Variants in PTPN12 observed in about 807,000 individuals in gnomAD.
The protein encoded by PTPN12 is tyrosine-protein phosphatase non-receptor type 12.
A neutral mutation model predicts 97.6 loss-of-function variants in PTPN12; 29 were observed. The ratio of observed to expected loss-of-function variants is 0.30; its 90% CI spans 0.22 to 0.41. The LOEUF (loss-of-function observed/expected upper bound fraction) is 0.41. PTPN12 is among the 10% of genes least tolerant of loss of function. The pLI is 1.00. For missense variants in PTPN12, 819 were observed against 926.0 expected (o/e 0.88, Z 1.50); for synonymous variants, 327 against 300.4 (o/e 1.09, Z -0.91).
intron 13 of PTPN12, among the ~76,000 whole-genome samples, chr7:77,631,641 C>T (rs927271565): frequency 1.3e-5 from 2 of 152,314 alleles, no homozygotes; most frequent in Middle Eastern, 3.4e-3. Flanking sequence ...AATGCACTCT[C>T]TTTCCCAAGA....
At chr7:77,591,958 T>C (rs370012312) in intron 5 of PTPN12, among the ~76,000 whole-genome samples, 3 of 152,200 alleles carry the variant, frequency 2.0e-5, no homozygotes, top group Non-Finnish European at 4.4e-5. Flanking sequence ...TGAACAGTTA[T>C]GCACTTAAGT....
intron 11 of PTPN12, among the ~76,000 whole-genome samples, chr7:77,615,512 C>T (rs1562751772): frequency 6.6e-6 from 1 of 152,316 alleles, no homozygotes; most frequent in East Asian, 1.9e-4. Flanking sequence ...TTTGGGATGC[C>T]AGGGCAGGAG....
chr7:77,618,606 G>T lies in PTPN12; in HGVS notation c.1025+41G>T, dbSNP rs200425674. ...GAACATTTTCTTTAAAAGCATACTTGTTTCTACTCACTGTTAATTAAAATG... is the reference window on the plus strand; with the variant it reads ...GAACATTTTCTTTAAAAGCATACTTTTTTCTACTCACTGTTAATTAAAATG... On this transcript the variant is annotated intron_variant, in intron 12 of 17. Transcript: ENST00000248594. 4.1e-4 allele frequency: 530 copies of T among 1,278,550 alleles called. 6 individuals are homozygous for T. The East Asian group carries it at 9.3e-3, about 22-fold the overall frequency. 79.2% of individuals were successfully genotyped at this position (1,278,550 alleles called of 1,614,324 possible). A position where few individuals can be genotyped will look rare whatever the true frequency, so the allele number is the denominator to read the frequency against.
chr7:77,615,715 T>G (rs1202208154), intron 11 of PTPN12, among the ~76,000 whole-genome samples: 1 of 152,208 alleles, frequency 6.6e-6, no homozygotes, highest in Non-Finnish European at 1.5e-5. Flanking sequence ...TGCCACTGCA[T>G]TAGATTATTT....
intron 1 of PTPN12, among the ~76,000 whole-genome samples, chr7:77,543,344 CTTT>C (rs10545350): frequency 5.5e-4 from 75 of 137,428 alleles, no homozygotes; most frequent in Admixed American, 7.2e-4. Flanking sequence ...CTTCCACTGC[CTTT>C]TTTTTTTTTT....
At chr7:77,607,505 G>A (rs1801455448) in intron 9 of PTPN12, among the ~76,000 whole-genome samples, 1 of 152,210 alleles carries the variant, frequency 6.6e-6, no homozygotes. Context: ...GGCCAAGGTG[G>A]GAGGATCGCT....
intron 11 of PTPN12, among the ~76,000 whole-genome samples, chr7:77,617,388 A>G (rs1788788109): frequency 6.6e-6 from 1 of 152,200 alleles, no homozygotes; most frequent in Admixed American, 6.6e-5. Flanking sequence ...TCAGGAAGTG[A>G]TATGTATAAA....
chr7:77,572,288 G>C (rs954851756), intron 2 of PTPN12, among the ~76,000 whole-genome samples: 21 of 152,146 alleles, frequency 1.4e-4, no homozygotes, highest in African/African-American at 5.1e-4. Flanking sequence ...TTTTAGTAGA[G>C]ACAGGGTTTC....
In PTPN12 at chr7:77,639,769, CT is replaced by C; in HGVS notation, c.*491del. The C allele has an allele frequency of 6.5e-6, 1 of 152,926 alleles. No individual in the cohort carries two copies. Among genetic ancestry groups the C allele is most frequent in the Admixed American group, 6.5e-5 (1 of 15,304 alleles). The allele number at this position is 152,926 out of a possible 1,614,324, so 9.5% of individuals were successfully genotyped here. ...TAGAAAATAGTTTCTGAATTTTAAA[CT>C]TGCTGGATTCATGCAGCCAGCTTTG... On this transcript the variant is annotated 3_prime_UTR_variant, in exon 18 of 18. Transcript: ENST00000248594.
At chr7:77,595,976 TC>T (rs750344835) in intron 6 of PTPN12, among the ~76,000 whole-genome samples, 2 of 152,202 alleles carry the variant, frequency 1.3e-5, no homozygotes, top group Non-Finnish European at 2.9e-5. Context: ...TCTTCCCTCT[TC>T]CTTCTTCAGT....
intron 6 of PTPN12, among the ~76,000 whole-genome samples, chr7:77,594,090 C>A (rs1787948341): frequency 6.6e-6 from 1 of 152,148 alleles, no homozygotes; most frequent in African/African-American, 2.4e-5. Context: ...CTATAACTCA[C>A]CATTGAACTT....
chr7:77,596,721 A>AT (rs1229035499), intron 6 of PTPN12, among the ~76,000 whole-genome samples: 2 of 151,916 alleles, frequency 1.3e-5, no homozygotes, highest in African/African-American at 4.8e-5. Context: ...TTTCAAGACT[A>AT]TTTTTTTTAG....
chr7:77,562,677 T>C (rs1335104189), intron 1 of PTPN12, among the ~76,000 whole-genome samples: 1 of 152,160 alleles, frequency 6.6e-6, no homozygotes, highest in African/African-American at 2.4e-5. Context: ...TAATGGATGA[T>C]GAGGAAATGG....
At chr7:77,587,837 T>C (rs1787741060) in intron 5 of PTPN12, among the ~76,000 whole-genome samples, 1 of 152,214 alleles carries the variant, frequency 6.6e-6, no homozygotes, top group Non-Finnish European at 1.5e-5. Flanking sequence ...TAAATCAGAA[T>C]TTGGTGCTTC....
intron 1 of PTPN12, among the ~76,000 whole-genome samples, chr7:77,564,750 T>TTTTTTTG (rs1808172518): frequency 3.2e-5 from 2 of 63,356 alleles, no homozygotes; most frequent in Non-Finnish European, 5.8e-5. Flanking sequence ...TGTCGTGTTT[T>TTTTTTTG]TTTTTTTTTT....
intron 17 of PTPN12, 52 bp downstream of exon 17, chr7:77,638,783 G>A (rs1391295528): frequency 1.3e-6 from 2 of 1,545,284 alleles, no homozygotes. Flanking sequence ...TGGCAGGAAT[G>A]AGAAAAGCTC....
intron 11 of PTPN12, among the ~76,000 whole-genome samples, chr7:77,616,914 C>G (rs1423421077): frequency 1.3e-5 from 2 of 152,054 alleles, no homozygotes. Context: ...TCCCAAGTAA[C>G]TGGAATTACA....
chr7:77,625,474 TCTCTCTC>T (rs1789116614), intron 12 of PTPN12, among the ~76,000 whole-genome samples: 1 of 29,166 alleles, frequency 3.4e-5, no homozygotes, highest in African/African-American at 1.6e-4. Flanking sequence ...GGCTGCTCGC[TCTCTCTC>T]TCTCTCTCTC....
chr7:77,607,150 T>A, intron 8 of PTPN12, 85 bp from the exon 9 acceptor site: 1 of 1,089,776 alleles, frequency 9.2e-7, no homozygotes, highest in Non-Finnish European at 1.3e-6. Context: ...ATTTTTTGTT[T>A]CTGAATATTA....
Sources: gnomAD v4.1 joint callset for allele counts (sites outside exome capture counted in the v4.1 genomes callset) on GRCh38, gnomAD v4.1.1 for gene constraint, MANE v1.5 for transcripts, NCBI Gene and HGNC (gene_info 2026-07-23, HGNC 2026-07-21) for gene names.